The following DDX60L variants were observed in gnomAD, a reference collection of about 807,000 sequenced individuals.
The protein encoded by DDX60L is probable ATP-dependent RNA helicase DDX60-like.
Under a neutral mutation model 211.6 loss-of-function variants are expected in DDX60L, and 191 were observed. The observed-to-expected ratio is 0.90, with a 90% CI of 0.80 to 1.02. The LOEUF is 1.02. Among genes scored for constraint, DDX60L ranks in the 50% least tolerant of loss-of-function variants. The probability of loss-of-function intolerance (pLI) is 0.00; values close to 1 mark genes in which losing one functional copy is unlikely to be tolerated. For synonymous variants in DDX60L, 706 were observed against 694.1 expected, an observed-to-expected ratio of 1.02 and a Z score of -0.27; for missense variants, 2,007 against 1,984.1, an observed-to-expected ratio of 1.01 and a Z score of -0.22.
chr4:168,362,088 G>A (rs568324429), intron 36 of DDX60L, among the ~76,000 whole-genome samples: 1 of 152,356 alleles, frequency 6.6e-6, no homozygotes, highest in Admixed American at 6.5e-5. Context: ...GCATACTCGT[G>A]CTGCGCAGCC....
Position 168,450,948 on chromosome 4 carries a change from C to T in DDX60L, c.997-2169G>A, listed in dbSNP as rs191803255. On this transcript the variant is annotated intron_variant, in intron 8 of 37. Coordinates refer to ENST00000682922, the MANE Select transcript of DDX60L (RefSeq NM_001012967.3). ...TGACAACAATAATAATTGGCCTTGA[C>T]TTTCATGCAATTAAATTAAAGTCAC... Among the ~76,000 whole-genome samples the T allele has an allele frequency of 2.2e-3, 298 of 133,834 alleles. 1 individual carries two copies. Among genetic ancestry groups the T allele is most frequent in the Middle Eastern group, 0.011 (3 of 264 alleles). The allele number at this position is 133,834 out of a possible 152,430, so 87.8% of individuals were successfully genotyped here. A position where few individuals can be genotyped will look rare whatever the true frequency, so the allele number is the denominator to read the frequency against.
rs5863932 is a variant in DDX60L, at chr4:168,422,969, T to TTGTGTGTGTGTGTGTGTGTGTGTGTGTG, written c.2098-327_2098-300dup. On this transcript the variant is annotated intron_variant, in intron 15 of 37. Coordinates refer to ENST00000682922, the MANE Select transcript of DDX60L (RefSeq NM_001012967.3). ...CACATGCTATCAATTGTGGCTAATA[T>TTGTGTGTGTGTGTGTGTGTGTGTGTGTG]TGTGTGTGTGTGTGTGTGTGTGTGT... Among the ~76,000 whole-genome samples, 13 of 132,958 alleles carry TTGTGTGTGTGTGTGTGTGTGTGTGTGTG rather than the reference T, an allele frequency of 9.8e-5. 1 individual carries two copies. Among genetic ancestry groups the TTGTGTGTGTGTGTGTGTGTGTGTGTGTG allele is most frequent in the African/African-American group, 3.7e-4 (11 of 29,588 alleles). 87.2% of individuals were successfully genotyped at this position (132,958 alleles called of 152,430 possible).
rs749707938 is a variant in DDX60L at position 168,427,105 on chromosome 4, C to A, written c.1895G>T (p.Cys632Phe). Residue 632 changes from cysteine (C) to phenylalanine (F), a missense_variant, in exon 14 of 38, where the codon TGC becomes TTC. Coordinates refer to ENST00000682922, the MANE Select transcript of DDX60L (RefSeq NM_001012967.3). ...GCAATGTTTTTTCCATGCTTTAAAGCAGGCAATTAATCCTAACATTTCAAC... is the reference window on the plus strand; with the variant it reads ...GCAATGTTTTTTCCATGCTTTAAAGAAGGCAATTAATCCTAACATTTCAAC... ...FGVEMLGLIA[C>F]FKAWKKHCRG... The A allele has an allele frequency of 1.2e-6, 2 of 1,606,234 alleles. No homozygotes were observed. The highest frequency in any genetic ancestry group is 1.7e-6 in the Non-Finnish European group (2 of 1,175,496).
intron 10 of DDX60L, 75 bp downstream of exon 10, chr4:168,441,262 T>C: frequency 5.9e-6 from 8 of 1,365,312 alleles, no homozygotes; most frequent in African/African-American, 1.4e-5. Flanking sequence ...CTTGGAAGAA[T>C]TGAATTATTA....
Position 168,427,138 on chromosome 4 carries a change from T to C in DDX60L, c.1862A>G (p.Lys621Arg), listed in dbSNP as rs745326721. 5 of 1,609,388 alleles carry C rather than the reference T, an allele frequency of 3.1e-6. No homozygotes were observed. The African/African-American group carries it at 6.7e-5, about 21-fold the overall frequency. Residue 621 changes from lysine (K) to arginine (R), a missense_variant, in exon 14 of 38, where the codon AAA becomes AGA. By Grantham distance (26) the Lys-to-Arg change is conservative (BLOSUM62 2). Transcript: ENST00000682922. ...YLTSCASNSV[K>R]FGVEMLGLIA... ...TAATCCTAACATTTCAACTCCAAAT[T>C]TCACTGAATTACTTGCACATGATGT... is the stretch of plus-strand genomic sequence containing the variant.
chr4:168,397,651 C>A (rs1418844649), intron 26 of DDX60L, among the ~76,000 whole-genome samples: 1 of 152,180 alleles, frequency 6.6e-6, no homozygotes, highest in African/African-American at 2.4e-5. Context: ...ACAACCCTAC[C>A]AAGCCATTCA....
chr4:168,436,455 A>C (rs1345781108), intron 10 of DDX60L, among the ~76,000 whole-genome samples: 2 of 152,176 alleles, frequency 1.3e-5, no homozygotes, highest in East Asian at 3.9e-4. Flanking sequence ...CGTTCATGGA[A>C]AGCACTGGTC....
intron 1 of DDX60L, among the ~76,000 whole-genome samples, chr4:168,474,652 T>A (rs1759243039): frequency 6.6e-6 from 1 of 152,068 alleles, no homozygotes; most frequent in Non-Finnish European, 1.5e-5. Flanking sequence ...AATAAATTAG[T>A]TTGCTGAACA....
intron 12 of DDX60L, 56 bp downstream of exon 12, chr4:168,432,399 A>C: frequency 1.1e-6 from 1 of 904,674 alleles, no homozygotes. Flanking sequence ...TGTTAATAAA[A>C]AGAGCAGCAA....
chr4:168,456,199 T>C, intron 6 of DDX60L, 47 bp from the exon 7 acceptor site: 1 of 1,223,276 alleles, frequency 8.2e-7, no homozygotes. Flanking sequence ...TTAGAAATAT[T>C]CTTTTACTCA....
chr4:168,419,526 C>A (rs149835183), intron 18 of DDX60L, 129 bp from the exon 19 acceptor site: 6 of 515,586 alleles, frequency 1.2e-5, no homozygotes, highest in East Asian at 7.4e-5. Context: ...GCATCTTTGA[C>A]GTTTTTCATT....
chr4:168,449,395 C>T (rs867364365), intron 8 of DDX60L, among the ~76,000 whole-genome samples: 7 of 124,014 alleles, frequency 5.6e-5, no homozygotes, highest in African/African-American at 2.3e-4. Context: ...TATTCTCACT[C>T]ATAGGTGGGA....
chr4:168,387,205 G>A (rs576940475), intron 29 of DDX60L, among the ~76,000 whole-genome samples: 40 of 152,256 alleles, frequency 2.6e-4, no homozygotes, highest in African/African-American at 9.1e-4. Context: ...TGTGTTCTCA[G>A]AAAGATGTAA....
chr4:168,430,927 G>A (rs1023151011), intron 12 of DDX60L, among the ~76,000 whole-genome samples: 2 of 152,084 alleles, frequency 1.3e-5, no homozygotes, highest in Non-Finnish European at 2.9e-5. Flanking sequence ...CCTGCAACAG[G>A]GGTCTACAAA....
At chr4:168,460,612 T>C (rs1002138590) in intron 5 of DDX60L, among the ~76,000 whole-genome samples, 8 of 151,128 alleles carry the variant, frequency 5.3e-5, no homozygotes, top group Admixed American at 2.0e-4. Context: ...TCTTTACTTA[T>C]AACACTAACA....
intron 23 of DDX60L, among the ~76,000 whole-genome samples, 168 bp from the exon 24 acceptor site, chr4:168,406,246 C>A (rs968128075): frequency 5.9e-5 from 9 of 152,102 alleles, no homozygotes; most frequent in African/African-American, 1.7e-4. Context: ...ACACATAAAC[C>A]TATGATGATG....
intron 26 of DDX60L, among the ~76,000 whole-genome samples, chr4:168,396,384 G>C (rs1432785667): frequency 6.6e-6 from 1 of 151,920 alleles, no homozygotes; most frequent in Non-Finnish European, 1.5e-5. Context: ...CAGATATCCA[G>C]TTCTTCTCAG....
At position 168,426,979 on chromosome 4, in the gene DDX60L, AG is replaced by A. The variant is rs1459300063; in HGVS notation, c.1930+90del. The stretch of plus-strand genomic sequence containing the variant: ...TAAAATCAGACAATGGATTATACAA[AG>A]TTTTAGCACAACCATGCATTCAGTA... On this transcript the variant is annotated intron_variant, in intron 14 of 37. Coordinates refer to ENST00000682922, the MANE Select transcript of DDX60L (RefSeq NM_001012967.3). The A allele has an allele frequency of 5.3e-5, 70 of 1,329,458 alleles. No individual in the cohort carries two copies. In the African/African-American group the frequency reaches 8.7e-4, roughly 17 times the overall value. 82.4% of individuals were successfully genotyped at this position (1,329,458 alleles called of 1,614,324 possible).
intron 14 of DDX60L, 75 bp downstream of exon 14, chr4:168,426,995 T>C: frequency 7.0e-6 from 10 of 1,418,946 alleles, no homozygotes; most frequent in Non-Finnish European, 9.5e-6. Context: ...AGCACAACCA[T>C]GCATTCAGTA....
Sources: allele counts gnomAD v4.1 joint callset (sites outside exome capture counted in the v4.1 genomes callset), GRCh38; gene constraint gnomAD v4.1.1; transcripts MANE v1.5; gene names NCBI Gene and HGNC (gene_info 2026-07-23, HGNC 2026-07-21).